The following ATRNL1 variants were observed in gnomAD, a reference collection of about 807,000 sequenced individuals.
ATRNL1 encodes the protein attractin-like protein 1.
In ATRNL1, 95 loss-of-function variants were observed where a neutral mutation model predicts 182.7. That is an observed-to-expected ratio of 0.52 (90% CI 0.44 to 0.62). The LOEUF (loss-of-function observed/expected upper bound fraction) is 0.62, where lower values mean the gene tolerates loss of function less well. ATRNL1 is among the 20% of genes least tolerant of loss of function. The pLI, the probability that ATRNL1 is intolerant of heterozygous loss-of-function variation, is 0.00. For missense variants in ATRNL1, 1,471 were observed against 1,679.5 expected, an observed-to-expected ratio of 0.88 and a Z score of 2.17; for synonymous variants, 576 against 568.3, an observed-to-expected ratio of 1.01 and a Z score of -0.19.
chr10:115,485,577 A>G (rs1554974972), intron 24 of ATRNL1, among the ~76,000 whole-genome samples: 1 of 152,082 alleles, frequency 6.6e-6, no homozygotes, highest in Non-Finnish European at 1.5e-5. Flanking sequence ...AAATCTGTTA[A>G]GTGTATTCTT....
intron 26 of ATRNL1, among the ~76,000 whole-genome samples, chr10:115,723,632 T>C (rs1947503329): frequency 6.6e-6 from 1 of 152,124 alleles, no homozygotes; most frequent in Non-Finnish European, 1.5e-5. Context: ...CACTGCAACC[T>C]CCACCTCCCG....
intron 17 of ATRNL1, among the ~76,000 whole-genome samples, chr10:115,305,901 G>T (rs1853705821): frequency 6.6e-6 from 1 of 152,036 alleles, no homozygotes; most frequent in Admixed American, 6.6e-5. Context: ...CTTTGTGCAG[G>T]TCCAGAGTGT....
intron 26 of ATRNL1, among the ~76,000 whole-genome samples, chr10:115,583,994 T>C (rs556310425): frequency 6.6e-6 from 1 of 152,176 alleles, no homozygotes; most frequent in East Asian, 1.9e-4. Flanking sequence ...CCTTTGCTGC[T>C]TCTATTGAGA....
At chr10:115,367,562 G>C (rs539791812) in intron 19 of ATRNL1, among the ~76,000 whole-genome samples, 371 of 152,152 alleles carry the variant, frequency 2.4e-3, no homozygotes, top group Admixed American at 4.3e-3. Flanking sequence ...TTGCTGGTGA[G>C]GAACTGCGTC....
chr10:115,774,627 T>A (rs1379529190), intron 27 of ATRNL1, among the ~76,000 whole-genome samples: 3 of 152,064 alleles, frequency 2.0e-5, no homozygotes, highest in African/African-American at 4.8e-5. Context: ...TAAGCCAATA[T>A]TTATTTCCTC....
chr10:115,228,479 T>G (rs1554899171), intron 9 of ATRNL1, among the ~76,000 whole-genome samples: 1 of 152,212 alleles, frequency 6.6e-6, no homozygotes, highest in East Asian at 1.9e-4. Flanking sequence ...TAACTTTCTT[T>G]GCATATGTTT....
At chr10:115,734,753 A>G (rs910776523) in intron 27 of ATRNL1, among the ~76,000 whole-genome samples, 2 of 151,988 alleles carry the variant, frequency 1.3e-5, no homozygotes, top group African/African-American at 4.8e-5. Flanking sequence ...TCTTTTGGTA[A>G]TATTTTTCAG....
chr10:115,689,098 T>C (rs1451495555), intron 26 of ATRNL1, among the ~76,000 whole-genome samples: 3 of 152,188 alleles, frequency 2.0e-5, no homozygotes, highest in African/African-American at 7.2e-5. Flanking sequence ...TTGTTGAGGA[T>C]CAGTTGGCTG....
intron 8 of ATRNL1, among the ~76,000 whole-genome samples, chr10:115,180,077 C>A (rs1554887608): frequency 6.6e-6 from 1 of 151,908 alleles, no homozygotes; most frequent in East Asian, 1.9e-4. Flanking sequence ...GTCTTACTAG[C>A]AAAATACCTC....
At chr10:115,350,028 C>T (rs1856156767) in intron 19 of ATRNL1, among the ~76,000 whole-genome samples, 1 of 151,946 alleles carries the variant, frequency 6.6e-6, no homozygotes, top group Non-Finnish European at 1.5e-5. Flanking sequence ...TTGCCCAGAC[C>T]AATGTTCTGT....
At chr10:115,483,169 A>G (rs1848850321) in intron 24 of ATRNL1, among the ~76,000 whole-genome samples, 1 of 151,482 alleles carries the variant, frequency 6.6e-6, no homozygotes, top group South Asian at 2.1e-4. Context: ...CTATGGAAAG[A>G]CATCTGCTCT....
intron 18 of ATRNL1, among the ~76,000 whole-genome samples, chr10:115,323,579 G>A (rs1245955591): frequency 1.3e-5 from 2 of 151,252 alleles, no homozygotes; most frequent in South Asian, 2.1e-4. Flanking sequence ...TGAGTAGCTG[G>A]GATTACAGGC....
At chr10:115,107,228 G>A (rs1844050415) in intron 1 of ATRNL1, among the ~76,000 whole-genome samples, 2 of 152,066 alleles carry the variant, frequency 1.3e-5, no homozygotes, top group African/African-American at 4.8e-5. Context: ...TCATCCTGGG[G>A]CAAATTCCCT....
At chr10:115,646,218 A>C (rs1451412186) in intron 26 of ATRNL1, among the ~76,000 whole-genome samples, 1 of 152,116 alleles carries the variant, frequency 6.6e-6, no homozygotes, top group African/African-American at 2.4e-5. Flanking sequence ...AAAACTGTAC[A>C]TTGATATTAT....
At chr10:115,105,872 T>C (rs184369024) in intron 1 of ATRNL1, among the ~76,000 whole-genome samples, 22 of 152,200 alleles carry the variant, frequency 1.4e-4, no homozygotes, top group African/African-American at 4.8e-4. Context: ...GGTGGGACTC[T>C]CATGGAGAAC....
chr10:115,847,953 C>T lies in ATRNL1; in HGVS notation c.3980C>T (p.Pro1327Leu), dbSNP rs782613375. ...AAVLTVFLCL[P>L]RGSSGAPPPG... ...GTTCTGACTGTGTTTCTTTGTCTAC[C>T]ACGAGGATCATCAGGTGCCCCTCCC... is the stretch of plus-strand genomic sequence containing the variant. The change falls in exon 28 of 29, where the codon CCA becomes CTA. Residue 1327 changes from proline to leucine, a missense_variant. By Grantham distance (98) the Pro-to-Leu change is moderately conservative. Transcript: ENST00000355044. The T allele has an allele frequency of 6.2e-6, 10 of 1,612,064 alleles. No homozygotes were observed. Among genetic ancestry groups the T allele is most frequent in the African/African-American group, 1.3e-5 (1 of 74,846 alleles).
At chr10:115,791,068 G>A (rs1949520271) in intron 27 of ATRNL1, among the ~76,000 whole-genome samples, 2 of 152,102 alleles carry the variant, frequency 1.3e-5, no homozygotes, top group South Asian at 2.1e-4. Context: ...TATTATACAT[G>A]TTCCTGTCTC....
chr10:115,458,201 G>A (rs1237316751), intron 21 of ATRNL1, among the ~76,000 whole-genome samples: 8 of 152,238 alleles, frequency 5.3e-5, no homozygotes, highest in Middle Eastern at 3.4e-3. Flanking sequence ...TAAGTTACAT[G>A]TTTAAGTGCC....
chr10:115,773,739 CTTAG>C (rs1949050202), intron 27 of ATRNL1, among the ~76,000 whole-genome samples: 1 of 152,044 alleles, frequency 6.6e-6, no homozygotes, highest in Non-Finnish European at 1.5e-5. Context: ...GAATTCCAAA[CTTAG>C]TTAATGAAAG....
Sources: allele counts gnomAD v4.1 joint callset (sites outside exome capture counted in the v4.1 genomes callset), GRCh38; gene constraint gnomAD v4.1.1; transcripts MANE v1.5; gene names NCBI Gene and HGNC (gene_info 2026-07-23, HGNC 2026-07-21).